The following ROM1 variants were observed in gnomAD, a reference collection of about 807,000 sequenced individuals.
ROM1 encodes the protein retinal outer segment membrane protein 1.
In ROM1, 17 loss-of-function variants were observed where a neutral mutation model predicts 23.0. The ratio of observed to expected loss-of-function variants is 0.74; its 90% CI spans 0.51 to 1.11. ROM1 has a LOEUF of 1.11. ROM1 is among the 50% of genes least tolerant of loss of function. The pLI is 0.00. For synonymous variants in ROM1, 200 were observed against 206.5 expected (o/e 0.97, Z 0.27); for missense variants, 436 against 439.7 (o/e 0.99, Z 0.08).
At chr11:62,613,974 A>G in intron 1 of ROM1, 103 bp downstream of exon 1, 3 of 1,580,804 alleles carry the variant, frequency 1.9e-6, no homozygotes, top group Non-Finnish European at 2.6e-6. Flanking sequence ...TAAGTAGAAC[A>G]TAGTGGCTGA....
In ROM1 at chr11:62,614,988, G is replaced by C. The variant is rs987446333; in HGVS notation, c.*149G>C. The C allele has an allele frequency of 1.9e-4, 124 of 664,262 alleles. No homozygotes were observed. In the African/African-American group the frequency reaches 2.0e-3, roughly 11 times the overall value. The allele number at this position is 664,262 out of a possible 1,614,324, so 41.1% of individuals were successfully genotyped here. A position where few individuals can be genotyped will look rare whatever the true frequency, so the allele number is the denominator to read the frequency against. ...TGGACTGGGGTAAGAAAGAAAACCA[G>C]ATGTCCTAGGGCCTAGCCCTTGTAG... On this transcript the variant is annotated 3_prime_UTR_variant, in exon 3 of 3. Coordinates refer to ENST00000278833, the MANE Select transcript of ROM1 (RefSeq NM_000327.4).
Position 62,615,069 on chromosome 11 carries a change from G to A in ROM1, c.*230G>A. 1.7e-6 allele frequency: 1 copy of A among 576,698 alleles called. No individual in the cohort carries two copies. The highest frequency in any genetic ancestry group is 3.1e-6 in the Non-Finnish European group (1 of 323,392). The allele number at this position is 576,698 out of a possible 1,614,324, so 35.7% of individuals were successfully genotyped here. On this transcript the variant is annotated 3_prime_UTR_variant, in exon 3 of 3. Coordinates refer to ENST00000278833, the MANE Select transcript of ROM1 (RefSeq NM_000327.4). ...AGTGATGGGAAAGTGACATGAGAAG[G>A]CCTGGAGGCTGATTCTGATATAGAC...
rs1350832251 is a variant in ROM1 at position 62,614,890 on chromosome 11, C to G, written c.*51C>G. 1.3e-5 allele frequency: 18 copies of G among 1,437,682 alleles called. No homozygotes were observed. Among genetic ancestry groups the G allele is most frequent in the Non-Finnish European group, 1.8e-5 (18 of 1,025,854 alleles). 89.1% of individuals were successfully genotyped at this position (1,437,682 alleles called of 1,614,324 possible). A position where few individuals can be genotyped will look rare whatever the true frequency, so the allele number is the denominator to read the frequency against. On this transcript the variant is annotated 3_prime_UTR_variant, in exon 3 of 3. Coordinates refer to ENST00000278833, the MANE Select transcript of ROM1 (RefSeq NM_000327.4). Reference sequence around the variant, plus strand: ...AGGGAGGGATGGACAAGTCTGAAAACCTCACAACTCCTTACCAAGGCTCCA... The same window carrying G: ...AGGGAGGGATGGACAAGTCTGAAAAGCTCACAACTCCTTACCAAGGCTCCA...
chr11:62,613,550 C>T lies in ROM1; in HGVS notation c.269C>T (p.Ala90Val), dbSNP rs398123334. 90 of 1,613,700 alleles carry T rather than the reference C, an allele frequency of 5.6e-5. No individual in the cohort carries two copies. Among genetic ancestry groups the T allele is most frequent in the Non-Finnish European group, 7.5e-5 (88 of 1,179,866 alleles). ...GGAGCCAGCCGGGCAAGTCTGAATG[C>T]AGCTCTATACCCTCCCTGGCGAGGG... ...GVGASRASLNAALYPPWRGVL... is the reference protein window; with the variant it reads ...GVGASRASLNVALYPPWRGVL... The change falls in exon 1 of 3, where the codon GCA (alanine) becomes GTA (valine). Residue 90 changes from alanine (A) to valine (V), a missense_variant. Coordinates refer to ENST00000278833, the MANE Select transcript of ROM1 (RefSeq NM_000327.4).
At position 62,614,993 on chromosome 11, in the gene ROM1, C is replaced by G. The variant is rs570679350; in HGVS notation, c.*154C>G. The stretch of plus-strand genomic sequence containing the variant: ...TGGGGTAAGAAAGAAAACCAGATGT[C>G]CTAGGGCCTAGCCCTTGTAGTCAGA... On this transcript the variant is annotated 3_prime_UTR_variant, in exon 3 of 3. Transcript: ENST00000278833. 6.3e-5 allele frequency: 41 copies of G among 649,734 alleles called. No individual in the cohort carries two copies. The highest frequency in any genetic ancestry group is 1.0e-4 in the Admixed American group (4 of 38,962). The allele number at this position is 649,734 out of a possible 1,614,324, so 40.2% of individuals were successfully genotyped here.
Position 62,614,918 on chromosome 11 carries a change from T to C in ROM1, c.*79T>C, listed in dbSNP as rs1942993035. 8 of 1,245,942 alleles carry C rather than the reference T, an allele frequency of 6.4e-6. No homozygotes were observed. The highest frequency in any genetic ancestry group is 9.3e-6 in the Non-Finnish European group (8 of 863,430). 77.2% of individuals were successfully genotyped at this position (1,245,942 alleles called of 1,614,324 possible). ...CACAACTCCTTACCAAGGCTCCAGG[T>C]TGGGGGGATCGTAGGATTAGAGGGG... On this transcript the variant is annotated 3_prime_UTR_variant, in exon 3 of 3. Coordinates refer to ENST00000278833, the MANE Select transcript of ROM1 (RefSeq NM_000327.4).
rs767143462 is a variant in ROM1, at chr11:62,613,471, C to G, written c.190C>G (p.Gln64Glu). ...APSCQFPVLPQAALAAGAVAL... is the reference protein window; with the variant it reads ...APSCQFPVLPEAALAAGAVAL... ...CTCCTGTCAGTTCCCTGTCCTGCCC[C>G]AGGCTGCCCTGGCAGCGGGCGCGGT... is the stretch of plus-strand genomic sequence containing the variant. The change falls in exon 1 of 3, where the codon CAG (glutamine) becomes GAG (glutamate). Residue 64 changes from glutamine (Q) to glutamate (E), a missense_variant. Coordinates refer to ENST00000278833, the MANE Select transcript of ROM1 (RefSeq NM_000327.4). 8 of 1,613,428 alleles carry G rather than the reference C, an allele frequency of 5.0e-6. No homozygotes were observed. Among genetic ancestry groups the G allele is most frequent in the Non-Finnish European group, 6.8e-6 (8 of 1,179,666 alleles).
chr11:62,613,617 G>C lies in ROM1; in HGVS notation c.336G>C (p.Gly112=), dbSNP rs1012304035. 3 of 1,612,278 alleles carry C rather than the reference G, an allele frequency of 1.9e-6. No homozygotes were observed. Among genetic ancestry groups the C allele is most frequent in the Non-Finnish European group, 2.5e-6 (3 of 1,179,524 alleles). The change falls in exon 1 of 3, where the codon GGG becomes GGC. Residue 112 remains glycine (G), a synonymous_variant. Transcript: ENST00000278833. ...TGGTGGCTGGCACGGCTGGTGGGGGGGGGCTCCTGGTCGTCGGCCTCGGGC... is the reference window on the plus strand; with the variant it reads ...TGGTGGCTGGCACGGCTGGTGGGGGCGGGCTCCTGGTCGTCGGCCTCGGGC... The part of the protein sequence containing the change: ...PLLVAGTAGG[G]GLLVVGLGLA...
In ROM1 at chr11:62,614,906, C is replaced by A; in HGVS notation, c.*67C>A. On this transcript the variant is annotated 3_prime_UTR_variant, in exon 3 of 3. Transcript: ENST00000278833. The stretch of plus-strand genomic sequence containing the variant: ...GTCTGAAAACCTCACAACTCCTTAC[C>A]AAGGCTCCAGGTTGGGGGGATCGTA... The A allele has an allele frequency of 7.5e-7, 1 of 1,338,484 alleles. No individual in the cohort carries two copies. The highest frequency in any genetic ancestry group is 2.3e-5 in the East Asian group (1 of 42,946). 82.9% of individuals were successfully genotyped at this position (1,338,484 alleles called of 1,614,324 possible).
rs774331848 is a variant in ROM1 at position 62,613,333 on chromosome 11, G to T, written c.52G>T (p.Ala18Ser). The T allele has an allele frequency of 3.7e-6, 6 of 1,612,894 alleles. No individual in the cohort carries two copies. In the South Asian group the frequency reaches 6.6e-5, roughly 18 times the overall value. ...GCCCCTGCAGCCCCGCATCCGCCTG[G>T]CACAAGGGCTCTGGCTCCTCTCCTG... The part of the protein sequence containing the change: ...VLPLQPRIRL[A>S]QGLWLLSWLL... The change falls in exon 1 of 3, where the codon GCA becomes TCA. Residue 18 changes from alanine to serine, a missense_variant. Transcript: ENST00000278833.
intron 1 of ROM1, 61 bp downstream of exon 1, chr11:62,613,932 G>A: frequency 6.2e-7 from 1 of 1,610,206 alleles, no homozygotes. Context: ...CCCTCCTGCT[G>A]CCTTGAATCC....
chr11:62,614,572 C>G, intron 2 of ROM1, 49 bp from the exon 3 acceptor site: 4 of 1,614,204 alleles, frequency 2.5e-6, no homozygotes, highest in Non-Finnish European at 3.4e-6. Flanking sequence ...CCCTGGGCCT[C>G]TTGGAACCGC....
rs756857239 is a variant in ROM1, at chr11:62,613,376, G to C, written c.95G>C (p.Gly32Ala). Residue 32 changes from glycine to alanine, a missense_variant, in exon 1 of 3, where the codon GGT becomes GCT. Transcript: ENST00000278833. ...CTCTCCTGGCTGCTGGCGCTGGCTG[G>C]TGGCGTCATCCTCCTCTGTAGTGGG... ...WLLSWLLALA[G>A]GVILLCSGHL... The C allele has an allele frequency of 7.4e-6, 12 of 1,613,700 alleles. No homozygotes were observed. The highest frequency in any genetic ancestry group is 1.1e-5 in the South Asian group (1 of 91,000).
Position 62,614,809 on chromosome 11 carries a change from A to T in ROM1, c.1026A>T (p.Ala342=). 6.2e-7 allele frequency: 1 copy of T among 1,613,940 alleles called. No individual in the cohort carries two copies. Among genetic ancestry groups the T allele is most frequent in the Non-Finnish European group, 8.5e-7 (1 of 1,179,986 alleles). The change falls in exon 3 of 3, where the codon GCA becomes GCT. Residue 342 remains alanine (A), a synonymous_variant. Transcript: ENST00000278833. Reference sequence around the variant, plus strand: ...CTGAGGAGGCCCCACCAGGAGAAGCACCTCCCAAGGAGGATCTATCTGAGG... The same window carrying T: ...CTGAGGAGGCCCCACCAGGAGAAGCTCCTCCCAAGGAGGATCTATCTGAGG... ...PAPEEAPPGE[A]PPKEDLSEA
At position 62,614,363 on chromosome 11, in the gene ROM1, C is replaced by T. The variant is rs780609190; in HGVS notation, c.696C>T (p.Asp232=). 2 of 1,614,028 alleles carry T rather than the reference C, an allele frequency of 1.2e-6. No individual in the cohort carries two copies. Among genetic ancestry groups the T allele is most frequent in the South Asian group, 1.1e-5 (1 of 91,088 alleles). The part of the protein sequence containing the change: ...PRPCLQNRLS[D]SYAHPLFDPR... Reference sequence around the variant, plus strand: ...CTTGCCTGCAAAACCGTCTTTCAGACTCCTACGCCCACCCCCTGTTCGATC... The same window carrying T: ...CTTGCCTGCAAAACCGTCTTTCAGATTCCTACGCCCACCCCCTGTTCGATC... Residue 232 remains aspartate, a synonymous_variant, in exon 2 of 3, where the codon GAC becomes GAT. Transcript: ENST00000278833.
Position 62,614,904 on chromosome 11 carries a change from A to G in ROM1, c.*65A>G. On this transcript the variant is annotated 3_prime_UTR_variant, in exon 3 of 3. Coordinates refer to ENST00000278833, the MANE Select transcript of ROM1 (RefSeq NM_000327.4). ...AAGTCTGAAAACCTCACAACTCCTT[A>G]CCAAGGCTCCAGGTTGGGGGGATCG... is the stretch of plus-strand genomic sequence containing the variant. 1.5e-6 allele frequency: 2 copies of G among 1,350,354 alleles called. No individual in the cohort carries two copies. Among genetic ancestry groups the G allele is most frequent in the Admixed American group, 1.8e-5 (1 of 56,494 alleles). 83.6% of individuals were successfully genotyped at this position (1,350,354 alleles called of 1,614,324 possible). A position where few individuals can be genotyped will look rare whatever the true frequency, so the allele number is the denominator to read the frequency against.
At chr11:62,614,194 C>T in intron 1 of ROM1, 64 bp from the exon 2 acceptor site, 11 of 1,592,706 alleles carry the variant, frequency 6.9e-6, no homozygotes, top group Admixed American at 1.7e-5. Flanking sequence ...CACCTGTGCC[C>T]TTCAGTCCCT....
At position 62,614,295 on chromosome 11, in the gene ROM1, G is replaced by A; in HGVS notation, c.628G>A (p.Asp210Asn). 6.2e-7 allele frequency: 1 copy of A among 1,614,046 alleles called. No individual in the cohort carries two copies. The highest frequency in any genetic ancestry group is 2.2e-5 in the East Asian group (1 of 44,874). Residue 210 changes from aspartate (D) to asparagine (N), a missense_variant, in exon 2 of 3, where the codon GAT becomes AAT. Asp to Asn is a conservative substitution (Grantham distance 23, BLOSUM62 1). Coordinates refer to ENST00000278833, the MANE Select transcript of ROM1 (RefSeq NM_000327.4). ...QSNVEGLYLT[D>N]GVPFSCCNPH... ...CAATGTAGAAGGCCTATACCTGACT[G>A]ATGGGGTCCCTTTCTCCTGTTGCAA... is the stretch of plus-strand genomic sequence containing the variant.
chr11:62,614,654 A>C lies in ROM1; in HGVS notation c.871A>C (p.Thr291Pro). The change falls in exon 3 of 3, where the codon ACA becomes CCA. Residue 291 changes from threonine to proline, a missense_variant. Coordinates refer to ENST00000278833, the MANE Select transcript of ROM1 (RefSeq NM_000327.4). The part of the protein sequence containing the change: ...LVLLGLRYLQ[T>P]ALEGLGGVID... ...GCTCCTTGGCCTGCGGTACCTGCAAACAGCACTGGAGGGGCTTGGAGGGGT... is the reference window on the plus strand; with the variant it reads ...GCTCCTTGGCCTGCGGTACCTGCAACCAGCACTGGAGGGGCTTGGAGGGGT... 6.2e-7 allele frequency: 1 copy of C among 1,614,212 alleles called. No homozygotes were observed. The highest frequency in any genetic ancestry group is 8.5e-7 in the Non-Finnish European group (1 of 1,180,030).
Sources: allele counts gnomAD v4.1 joint callset, GRCh38; gene constraint gnomAD v4.1.1; transcripts MANE v1.5; gene names NCBI Gene and HGNC (gene_info 2026-07-23, HGNC 2026-07-21).